The following GPM6A variants were observed in gnomAD, a reference collection of about 807,000 sequenced individuals.
The protein encoded by GPM6A is glycoprotein M6A.
A neutral mutation model predicts 32.1 loss-of-function variants in GPM6A; 7 were observed. The ratio of observed to expected loss-of-function variants is 0.22; its 90% CI spans 0.12 to 0.41. GPM6A has a LOEUF of 0.41. Among genes scored for constraint, GPM6A ranks in the 10% least tolerant of loss-of-function variants. The pLI is 1.00. For missense variants in GPM6A, 235 were observed against 347.2 expected (o/e 0.68, Z 2.57); for synonymous variants, 130 against 123.4 (o/e 1.05, Z -0.35).
At chr4:175,722,779 C>A (rs1396212183) in intron 1 of GPM6A, among the ~76,000 whole-genome samples, 3 of 152,148 alleles carry the variant, frequency 2.0e-5, no homozygotes, top group Non-Finnish European at 2.9e-5. Context: ...CGTCGTGGCT[C>A]ATACCTGTAA....
intron 1 of GPM6A, among the ~76,000 whole-genome samples, chr4:175,976,520 C>T (rs1740669590): frequency 6.6e-6 from 1 of 152,004 alleles, no homozygotes. Flanking sequence ...TTTTTCCTTA[C>T]CACAGGCAAT....
chr4:175,682,150 G>T (rs958758345), intron 2 of GPM6A, among the ~76,000 whole-genome samples: 1 of 152,122 alleles, frequency 6.6e-6, no homozygotes, highest in African/African-American at 2.4e-5. Flanking sequence ...CCTTATTGAA[G>T]AACTTGGCTG....
At chr4:175,693,873 G>A (rs1050643897) in intron 2 of GPM6A, among the ~76,000 whole-genome samples, 2 of 152,070 alleles carry the variant, frequency 1.3e-5, no homozygotes, top group Non-Finnish European at 2.9e-5. Context: ...TGGATCATAG[G>A]GGCAGTTTCT....
At chr4:175,803,397 A>G (rs1734556352) in intron 1 of GPM6A, among the ~76,000 whole-genome samples, 1 of 152,194 alleles carries the variant, frequency 6.6e-6, no homozygotes. Flanking sequence ...ACAATTCGAA[A>G]AAGTTATTAG....
At chr4:175,765,898 A>G (rs1325236837) in intron 1 of GPM6A, among the ~76,000 whole-genome samples, 1 of 152,146 alleles carries the variant, frequency 6.6e-6, no homozygotes, top group Non-Finnish European at 1.5e-5. Flanking sequence ...CTCCACACAC[A>G]CCTAACCATT....
intron 1 of GPM6A, among the ~76,000 whole-genome samples, chr4:175,849,847 T>C (rs940833019): frequency 6.6e-6 from 1 of 152,172 alleles, no homozygotes; most frequent in Non-Finnish European, 1.5e-5. Context: ...TGGGAAGAGA[T>C]ATTATCTCAT....
At chr4:175,999,706 T>C (rs1308922926) in intron 1 of GPM6A, among the ~76,000 whole-genome samples, 1 of 152,068 alleles carries the variant, frequency 6.6e-6, no homozygotes, top group Non-Finnish European at 1.5e-5. Flanking sequence ...TTCCTTTCTT[T>C]AAGTGATAAA....
chr4:175,995,678 A>G (rs1315513295), intron 1 of GPM6A, among the ~76,000 whole-genome samples: 1 of 152,178 alleles, frequency 6.6e-6, no homozygotes. Context: ...AGTATTTAAT[A>G]TATGCTTTAA....
At chr4:175,688,056 CTAT>C (rs1403122257) in intron 2 of GPM6A, among the ~76,000 whole-genome samples, 1 of 151,894 alleles carries the variant, frequency 6.6e-6, no homozygotes, top group Non-Finnish European at 1.5e-5. Flanking sequence ...TGTTTTTTTG[CTAT>C]TGAGTTGTAG....
chr4:175,691,493 TTTAA>T (rs1367218120), intron 2 of GPM6A, among the ~76,000 whole-genome samples: 2 of 152,226 alleles, frequency 1.3e-5, no homozygotes, highest in Non-Finnish European at 2.9e-5. Context: ...TTTAATTTAT[TTTAA>T]TTAATTCCAC....
intron 1 of GPM6A, among the ~76,000 whole-genome samples, chr4:175,717,737 A>C (rs972359877): frequency 3.9e-5 from 6 of 152,224 alleles, no homozygotes; most frequent in Admixed American, 1.3e-4. Flanking sequence ...TCTCAAACTT[A>C]TGAGAATTAC....
intron 1 of GPM6A, among the ~76,000 whole-genome samples, chr4:175,854,261 G>C (rs945206123): frequency 6.6e-6 from 1 of 152,196 alleles, no homozygotes; most frequent in African/African-American, 2.4e-5. Flanking sequence ...TATGAGGACA[G>C]AGTAGAGGTG....
At chr4:175,998,987 C>A (rs906502254) in intron 1 of GPM6A, among the ~76,000 whole-genome samples, 15 of 152,228 alleles carry the variant, frequency 9.9e-5, no homozygotes, top group Non-Finnish European at 2.1e-4. Flanking sequence ...CCCAAACACA[C>A]CTCCTTACTG....
chr4:175,901,327 T>C (rs1737960327), intron 1 of GPM6A, among the ~76,000 whole-genome samples: 1 of 152,166 alleles, frequency 6.6e-6, no homozygotes, highest in African/African-American at 2.4e-5. Context: ...GGATAAATGC[T>C]CGAGAGGATG....
At chr4:175,705,423 A>G (rs1745119269) in intron 1 of GPM6A, among the ~76,000 whole-genome samples, 1 of 152,294 alleles carries the variant, frequency 6.6e-6, no homozygotes. Flanking sequence ...TTCATCACAC[A>G]CATTTCGCAC....
At chr4:175,784,657 A>C (rs1237653675) in intron 1 of GPM6A, among the ~76,000 whole-genome samples, 3 of 152,174 alleles carry the variant, frequency 2.0e-5, no homozygotes, top group African/African-American at 7.2e-5. Context: ...CGTCAAAAAC[A>C]AATTATGATG....
At chr4:175,815,718 C>T (rs370318967), upstream of GPM6A, among the ~76,000 whole-genome samples, 23 of 127,080 alleles carry the variant, frequency 1.8e-4, no homozygotes, top group South Asian at 7.3e-4. Context: ...TTTTTCTTTT[C>T]TTTTTTTTTT....
intron 1 of GPM6A, among the ~76,000 whole-genome samples, chr4:175,826,217 G>A (rs1735432575): frequency 6.6e-6 from 1 of 151,652 alleles, no homozygotes; most frequent in Non-Finnish European, 1.5e-5. Context: ...AAAACCATTG[G>A]CCACTGATCC....
At chr4:175,731,486 C>G (rs1488823801) in intron 1 of GPM6A, among the ~76,000 whole-genome samples, 1 of 152,060 alleles carries the variant, frequency 6.6e-6, no homozygotes, top group African/African-American at 2.4e-5. Flanking sequence ...GAATGTCGCT[C>G]TCCACAAGGG....
Sources: allele counts gnomAD v4.1 joint callset (sites outside exome capture counted in the v4.1 genomes callset), GRCh38; gene constraint gnomAD v4.1.1; transcripts MANE v1.5; gene names NCBI Gene and HGNC (gene_info 2026-07-23, HGNC 2026-07-21).